The following PIK3CA variants were observed in gnomAD, a reference collection of about 807,000 sequenced individuals.
PIK3CA encodes phosphatidylinositol-4,5-bisphosphate 3-kinase catalytic subunit alpha, also known as phosphatidylinositol 4,5-bisphosphate 3-kinase catalytic subunit alpha isoform.
PIK3CA carries 27 observed loss-of-function variants against 138.2 expected under a neutral mutation model. That is an observed-to-expected ratio of 0.20 (90% CI 0.14 to 0.27). The LOEUF is 0.27. Ranked by LOEUF, PIK3CA falls within the 10% of genes least tolerant of loss-of-function variation. The pLI is 1.00. For missense variants in PIK3CA, 544 were observed against 1,277.4 expected (o/e 0.43, Z 8.75); for synonymous variants, 358 against 413.2 (o/e 0.87, Z 1.62).
intron 1 of PIK3CA, among the ~76,000 whole-genome samples, chr3:179,186,981 G>T (rs551520898): frequency 1.3e-5 from 2 of 151,942 alleles, no homozygotes; most frequent in South Asian, 2.1e-4. Flanking sequence ...AATACCTTAG[G>T]ATTGTTTCTC....
At chr3:179,151,481 C>T (rs1181644772) in intron 1 of PIK3CA, among the ~76,000 whole-genome samples, 1 of 152,172 alleles carries the variant, frequency 6.6e-6, no homozygotes, top group African/African-American at 2.4e-5. Flanking sequence ...ATCCTGGCTA[C>T]ACATTAGAAT....
At chr3:179,228,591 A>AT (rs1725138366) in intron 17 of PIK3CA, among the ~76,000 whole-genome samples, 1 of 152,076 alleles carries the variant, frequency 6.6e-6, no homozygotes, top group Non-Finnish European at 1.5e-5. Context: ...CTTTAATTAA[A>AT]ACATTGCATT....
rs553769693 is a variant in PIK3CA at position 179,223,377 on chromosome 3, C to A, written c.2188-704C>A. On this transcript the variant is annotated intron_variant, in intron 14 of 20. Coordinates refer to ENST00000263967, the MANE Select transcript of PIK3CA (RefSeq NM_006218.4). ...AGCTATTGCGTGATAACTCAGCAGT[C>A]TGGGCTCTGATTTGAATTGATTAAA... Among the ~76,000 whole-genome samples, 5 of 152,258 alleles carry A rather than the reference C, an allele frequency of 3.3e-5. No individual in the cohort carries two copies. The South Asian group carries it at 1.0e-3, about 32-fold the overall frequency.
chr3:179,229,545 T>C, intron 18 of PIK3CA, 103 bp downstream of exon 18: 1 of 752,156 alleles, frequency 1.3e-6, no homozygotes. Flanking sequence ...AAAACAATTG[T>C]ACTTTCTATG....
At chr3:179,228,108 A>G (rs1725124870) in intron 17 of PIK3CA, among the ~76,000 whole-genome samples, 3 of 152,090 alleles carry the variant, frequency 2.0e-5, no homozygotes, top group Admixed American at 2.0e-4. Context: ...CTGTGACAGT[A>G]TTTGTTGCCA....
intron 1 of PIK3CA, among the ~76,000 whole-genome samples, chr3:179,180,400 T>C (rs1560130543): frequency 6.6e-6 from 1 of 152,166 alleles, no homozygotes; most frequent in Non-Finnish European, 1.5e-5. Flanking sequence ...TGTATGAGTG[T>C]TTTTCTCCTC....
At chr3:179,153,146 T>G (rs888676361) in intron 1 of PIK3CA, among the ~76,000 whole-genome samples, 3 of 152,206 alleles carry the variant, frequency 2.0e-5, no homozygotes, top group African/African-American at 4.8e-5. Context: ...AAAATTGGTC[T>G]TCTGGTCAGG....
rs546065260 is a variant in PIK3CA, at chr3:179,218,996, C to A, written c.1665-200C>A. ...TTGCATTTTCCTTTTGTGTTCTTTG[C>A]CATTATAACTGTGCCTAAGTATATA... On this transcript the variant is annotated intron_variant, in intron 10 of 20. Transcript: ENST00000263967. Among the ~76,000 whole-genome samples the A allele has an allele frequency of 1.1e-4, 17 of 151,988 alleles. No individual in the cohort carries two copies. The South Asian group carries it at 3.5e-3, about 32-fold the overall frequency.
At chr3:179,150,872 A>G (rs1316993616) in intron 1 of PIK3CA, among the ~76,000 whole-genome samples, 2 of 152,262 alleles carry the variant, frequency 1.3e-5, no homozygotes, top group African/African-American at 4.8e-5. Context: ...AGAGTTTTAA[A>G]CAGTTACGAT....
At chr3:179,173,265 A>C (rs376189553) in intron 1 of PIK3CA, among the ~76,000 whole-genome samples, 1 of 151,710 alleles carries the variant, frequency 6.6e-6, no homozygotes, top group Non-Finnish European at 1.5e-5. Context: ...TAGTCTTTTC[A>C]AAAAAAAGAA....
intron 1 of PIK3CA, among the ~76,000 whole-genome samples, chr3:179,150,480 A>G (rs1323750920): frequency 6.6e-6 from 1 of 152,216 alleles, no homozygotes; most frequent in Non-Finnish European, 1.5e-5. Context: ...GTAAATATAG[A>G]AGAGTGTTTT....
rs3729681 is a variant in PIK3CA at position 179,209,857 on chromosome 3, C to T, written c.1251+157C>T. ...TAATAAATGTATCATGGAAGAATACCTTGGGAGAGCTTCAGGAATTTATGA... is the reference window on the plus strand; with the variant it reads ...TAATAAATGTATCATGGAAGAATACTTTGGGAGAGCTTCAGGAATTTATGA... On this transcript the variant is annotated intron_variant, in intron 7 of 20. Transcript: ENST00000263967. 0.03 allele frequency among the ~76,000 whole-genome samples: 4,618 copies of T among 151,728 alleles called. 86 individuals carry two copies. Among genetic ancestry groups the T allele is most frequent in the Non-Finnish European group, 0.046 (3,126 of 67,906 alleles).
rs200627037 is a variant in PIK3CA at position 179,203,801 on chromosome 3, T to C, written c.1059+12T>C. 3 of 1,571,492 alleles carry C rather than the reference T, an allele frequency of 1.9e-6. No individual in the cohort carries two copies. The highest frequency in any genetic ancestry group is 1.2e-5 in the South Asian group (1 of 86,754). On this transcript the variant is annotated intron_variant, in intron 5 of 20. Transcript: ENST00000263967. ...GAGACATTGATAAGGTAAAGTCAAA[T>C]GCTGATGCTTATTATTTTATAGAAA...
rs1560150481 is a variant in PIK3CA at position 179,234,132 on chromosome 3, G to A, written c.2975G>A (p.Arg992Gln). ...EMCYKAYLAI[R>Q]QHANLFINLF... ...TGTTACAAGGCTTATCTAGCTATTC[G>A]ACAGCATGCCAATCTCTTCATAAAT... The change falls in exon 21 of 21, where the codon CGA becomes CAA. Residue 992 changes from arginine to glutamine, a missense_variant. By Grantham distance (43) the Arg-to-Gln change is conservative. Transcript: ENST00000263967. The surrounding 1 kb of genome is among the most constrained non-coding windows in gnomAD (Gnocchi z 5.1). The A allele has an allele frequency of 6.2e-7, 1 of 1,612,450 alleles. No homozygotes were observed. The highest frequency in any genetic ancestry group is 8.5e-7 in the Non-Finnish European group (1 of 1,178,758).
At position 179,230,926 on chromosome 3, in the gene PIK3CA, A is replaced by G. The variant is rs1725195877; in HGVS notation, c.2936+550A>G. Among the ~76,000 whole-genome samples the G allele has an allele frequency of 6.6e-6, 1 of 152,148 alleles. No individual in the cohort carries two copies. Among genetic ancestry groups the G allele is most frequent in the African/African-American group, 2.4e-5 (1 of 41,432 alleles). ...GAGATTTTAGCGCACCTGTAACCCA[A>G]GTAGTGTGCTTTGCCCCCAGTATAT... On this transcript the variant is annotated intron_variant, in intron 20 of 20. Transcript: ENST00000263967. The surrounding 1 kb of genome is among the most constrained non-coding windows in gnomAD (Gnocchi z 5.4).
At chr3:179,170,068 GC>G (rs1723516591) in intron 1 of PIK3CA, among the ~76,000 whole-genome samples, 1 of 48,714 alleles carries the variant, frequency 2.1e-5, no homozygotes, top group African/African-American at 8.3e-5. Flanking sequence ...GCGTGCACAC[GC>G]GCGCGCGCAC....
chr3:179,165,958 A>T (rs183347722), intron 1 of PIK3CA, among the ~76,000 whole-genome samples: 4 of 152,140 alleles, frequency 2.6e-5, no homozygotes, highest in Non-Finnish European at 4.4e-5. Context: ...CCTCTTCTGT[A>T]TTTCCATAGC....
Position 179,199,217 on chromosome 3 carries a change from A to G in PIK3CA, c.352+40A>G, listed in dbSNP as rs3729674. 0.21 allele frequency: 266,187 copies of G among 1,298,178 alleles called. 30,063 individuals carry two copies. Among genetic ancestry groups the G allele is most frequent in the African/African-American group, 0.43 (28,954 of 67,450 alleles). 80.4% of individuals were successfully genotyped at this position (1,298,178 alleles called of 1,614,324 possible). A position where few individuals can be genotyped will look rare whatever the true frequency, so the allele number is the denominator to read the frequency against. ...CCTATTCTAAAATGCAAATAACCAT[A>G]AAGCTTAACTGTTGTCCCTTTCTAA... On this transcript the variant is annotated intron_variant, in intron 2 of 20. Transcript: ENST00000263967.
Position 179,233,712 on chromosome 3 carries a change from A to G in PIK3CA, c.2937-382A>G, listed in dbSNP as rs7645268. On this transcript the variant is annotated intron_variant, in intron 20 of 20. Coordinates refer to ENST00000263967, the MANE Select transcript of PIK3CA (RefSeq NM_006218.4). ...CCACCTTATGGTATCTCATTAGACT[A>G]TATCAGACTTTAAAGTACTTTTTAC... is the stretch of plus-strand genomic sequence containing the variant. 5.4e-3 allele frequency among the ~76,000 whole-genome samples: 827 copies of G among 152,278 alleles called. 10 individuals are homozygous for G. The highest frequency in any genetic ancestry group is 0.019 in the African/African-American group (798 of 41,554).
Sources: allele counts gnomAD v4.1 joint callset (sites outside exome capture counted in the v4.1 genomes callset), GRCh38; gene constraint gnomAD v4.1.1; non-coding constraint Gnocchi (gnomAD v3.1); transcripts MANE v1.5; gene names NCBI Gene and HGNC (gene_info 2026-07-23, HGNC 2026-07-21).